Variants in ROCK2 observed in about 807,000 individuals in gnomAD.
ROCK2 encodes Rho associated coiled-coil containing protein kinase 2, also known as rho-associated protein kinase 2.
A neutral mutation model predicts 195.1 loss-of-function variants in ROCK2; 61 were observed. The ratio of observed to expected loss-of-function variants is 0.31; its 90% CI spans 0.25 to 0.39. The LOEUF (loss-of-function observed/expected upper bound fraction) is 0.39, where lower values mean the gene tolerates loss of function less well. Ranked by LOEUF, ROCK2 falls within the 10% of genes least tolerant of loss-of-function variation. ROCK2 has a pLI of 1.00. For missense variants in ROCK2, 1,109 were observed against 1,637.4 expected, an observed-to-expected ratio of 0.68 and a Z score of 5.57; for synonymous variants, 504 against 545.5, an observed-to-expected ratio of 0.92 and a Z score of 1.06.
chr2:11,271,412 T>G (rs1666623791), intron 3 of ROCK2, among the ~76,000 whole-genome samples: 1 of 152,180 alleles, frequency 6.6e-6, no homozygotes, highest in Non-Finnish European at 1.5e-5. Context: ...CAGCTCAGGT[T>G]TTCCTACCTC....
chr2:11,340,005 G>C (rs934360534), intron 1 of ROCK2, among the ~76,000 whole-genome samples: 1 of 152,132 alleles, frequency 6.6e-6, no homozygotes, highest in African/African-American at 2.4e-5. Context: ...ATCTGATCAA[G>C]ACTTGGGAAA....
chr2:11,309,534 C>T (rs1167004466), intron 1 of ROCK2, among the ~76,000 whole-genome samples: 1 of 152,028 alleles, frequency 6.6e-6, no homozygotes, highest in Non-Finnish European at 1.5e-5. Flanking sequence ...ATTTGAATTT[C>T]CAATAGAAAC....
At chr2:11,298,649 T>A (rs1667611418) in intron 1 of ROCK2, among the ~76,000 whole-genome samples, 1 of 152,180 alleles carries the variant, frequency 6.6e-6, no homozygotes, top group Admixed American at 6.5e-5. Flanking sequence ...TGAAAACTTT[T>A]TATTACAGAG....
At chr2:11,196,318 C>CT (rs1212691723) in intron 27 of ROCK2, among the ~76,000 whole-genome samples, 1 of 152,188 alleles carries the variant, frequency 6.6e-6, no homozygotes, top group Non-Finnish European at 1.5e-5. Flanking sequence ...CAGTAAAAAC[C>CT]TTAAGCATAT....
intron 1 of ROCK2, among the ~76,000 whole-genome samples, chr2:11,309,901 A>G (rs1667979857): frequency 6.6e-6 from 1 of 152,132 alleles, no homozygotes; most frequent in Non-Finnish European, 1.5e-5. Context: ...AGACGGTTTG[A>G]GCCCTGGAGG....
chr2:11,276,798 T>C (rs1275278254), intron 3 of ROCK2, among the ~76,000 whole-genome samples: 3 of 152,160 alleles, frequency 2.0e-5, no homozygotes, highest in African/African-American at 7.2e-5. Flanking sequence ...TGTGTATGTA[T>C]ACATATATAT....
At chr2:11,322,887 T>C (rs1668442413) in intron 1 of ROCK2, among the ~76,000 whole-genome samples, 1 of 152,150 alleles carries the variant, frequency 6.6e-6, no homozygotes, top group Non-Finnish European at 1.5e-5. Context: ...CACTAACAAC[T>C]AATGAGTTTT....
intron 1 of ROCK2, among the ~76,000 whole-genome samples, chr2:11,314,885 T>A (rs1464170104): frequency 6.6e-6 from 1 of 152,000 alleles, no homozygotes; most frequent in Non-Finnish European, 1.5e-5. Context: ...CTATAATCCC[T>A]AAAGGAATGT....
chr2:11,206,597 G>C (rs927528057), intron 20 of ROCK2, among the ~76,000 whole-genome samples: 1 of 152,146 alleles, frequency 6.6e-6, no homozygotes, highest in African/African-American at 2.4e-5. Flanking sequence ...TCAGCAAAAA[G>C]AACAAAGTCT....
At chr2:11,339,969 G>T (rs955325202) in intron 1 of ROCK2, among the ~76,000 whole-genome samples, 8 of 152,196 alleles carry the variant, frequency 5.3e-5, no homozygotes, top group Admixed American at 4.6e-4. Flanking sequence ...TATATTTTTA[G>T]AATTCAAAAT....
chr2:11,219,100 T>C, intron 9 of ROCK2, 74 bp from the exon 10 acceptor site: 1 of 761,304 alleles, frequency 1.3e-6, no homozygotes, highest in Non-Finnish European at 2.1e-6. Flanking sequence ...CAAGTTATTC[T>C]CAGACTTAAA....
intron 32 of ROCK2, among the ~76,000 whole-genome samples, chr2:11,184,207 T>C (rs1270372719): frequency 6.6e-6 from 1 of 152,214 alleles, no homozygotes; most frequent in Non-Finnish European, 1.5e-5. Context: ...GAAATAGCTA[T>C]TTCACAGCAC....
At chr2:11,221,851 G>A (rs977734920) in intron 8 of ROCK2, among the ~76,000 whole-genome samples, 9 of 152,138 alleles carry the variant, frequency 5.9e-5, no homozygotes, top group African/African-American at 2.2e-4. Flanking sequence ...GGCAAATTAA[G>A]AAATGTGTAA....
intron 3 of ROCK2, among the ~76,000 whole-genome samples, chr2:11,258,121 G>T (rs1666099854): frequency 6.6e-6 from 1 of 151,148 alleles, no homozygotes; most frequent in Non-Finnish European, 1.5e-5. Context: ...CCTTACACAG[G>T]AAACTCCATG....
intron 1 of ROCK2, among the ~76,000 whole-genome samples, chr2:11,333,141 T>C (rs1384408707): frequency 6.6e-6 from 1 of 152,204 alleles, no homozygotes; most frequent in Admixed American, 6.5e-5. Context: ...TGGAAGACAT[T>C]AATGGTGTAT....
rs1032991211 is a variant in ROCK2 at position 11,218,971 on chromosome 2, T to C, written c.1315A>G (p.Asn439Asp). ...RETDSIQSRK[N>D]EESQEIQKKL... Reference sequence around the variant, plus strand: ...CAGTAAAAATGTATACGTACTTCATTTTTCCTTGATTGTATGGAATCAGTT... The same window carrying C: ...CAGTAAAAATGTATACGTACTTCATCTTTCCTTGATTGTATGGAATCAGTT... The change falls in exon 10 of 33, where the codon AAT becomes GAT. Residue 439 changes from asparagine to aspartate, a missense_variant. Transcript: ENST00000315872. 22 of 1,455,800 alleles carry C rather than the reference T, an allele frequency of 1.5e-5. No homozygotes were observed. The highest frequency in any genetic ancestry group is 6.9e-5 in the African/African-American group (5 of 72,038). 90.2% of individuals were successfully genotyped at this position (1,455,800 alleles called of 1,614,324 possible).
chr2:11,202,266 G>C (rs1663882378), intron 20 of ROCK2, 145 bp from the exon 21 acceptor site: 1 of 703,762 alleles, frequency 1.4e-6, no homozygotes, highest in African/African-American at 1.8e-5. Flanking sequence ...ATAATACTGA[G>C]CACCATGGTT....
chr2:11,327,490 C>A lies in ROCK2; in HGVS notation c.141+16506G>T, dbSNP rs144819343. On this transcript the variant is annotated intron_variant, in intron 1 of 32. Transcript: ENST00000315872. ...TCTGTTCACATAAACTCTAAATTCA[C>A]CACGAATGGTGGCAAAGCCTTATGG... 3.1e-3 allele frequency among the ~76,000 whole-genome samples: 468 copies of A among 152,304 alleles called. 4 individuals carry two copies. The highest frequency in any genetic ancestry group is 3.0e-3 in the Non-Finnish European group (207 of 68,020).
chr2:11,239,821 G>C (rs146890021), intron 4 of ROCK2, among the ~76,000 whole-genome samples: 1 of 152,278 alleles, frequency 6.6e-6, no homozygotes, highest in East Asian at 1.9e-4. Context: ...GGATCCCCAG[G>C]TTCCCTATAT....
Sources: allele counts gnomAD v4.1 joint callset (sites outside exome capture counted in the v4.1 genomes callset), GRCh38; gene constraint gnomAD v4.1.1; transcripts MANE v1.5; gene names NCBI Gene and HGNC (gene_info 2026-07-23, HGNC 2026-07-21).